Variants in NPR3 observed in about 807,000 individuals in gnomAD.
NPR3 encodes atrial natriuretic peptide receptor 3.
In NPR3, 34 loss-of-function variants were observed where a neutral mutation model predicts 54.5. The observed-to-expected ratio is 0.62, with a 90% CI of 0.47 to 0.83. NPR3 has a LOEUF of 0.83. Ranked by LOEUF, NPR3 falls within the 40% of genes least tolerant of loss-of-function variation. The pLI is 0.00. For synonymous variants in NPR3, 289 were observed against 297.1 expected (o/e 0.97, Z 0.28); for missense variants, 674 against 720.8 (o/e 0.94, Z 0.74).
At position 32,780,848 on chromosome 5, in the gene NPR3, C is replaced by T. The variant is rs773616232; in HGVS notation, c.1290+32C>T. On this transcript the variant is annotated intron_variant, in intron 5 of 7. Transcript: ENST00000265074. ...ACGTGAGACCTCTGCACCAGTTGCTCCTTCTGCTCGTGGGGACTCTGAGGA... is the reference window on the plus strand; with the variant it reads ...ACGTGAGACCTCTGCACCAGTTGCTTCTTCTGCTCGTGGGGACTCTGAGGA... 8 of 972,742 alleles carry T rather than the reference C, an allele frequency of 8.2e-6. No homozygotes were observed. In the East Asian group the frequency reaches 1.4e-4, roughly 18 times the overall value. 60.3% of individuals were successfully genotyped at this position (972,742 alleles called of 1,614,324 possible).
At chr5:32,733,199 A>G (rs1207764906) in intron 2 of NPR3, among the ~76,000 whole-genome samples, 1 of 152,074 alleles carries the variant, frequency 6.6e-6, no homozygotes, top group Non-Finnish European at 1.5e-5. Context: ...AAAAAAACAT[A>G]TTGATAGTGC....
At position 32,711,547 on chromosome 5, in the gene NPR3, A is replaced by ACATTTT. The variant is rs1738224777; in HGVS notation, c.-229_-228insATTTTC. 1.0e-6 allele frequency: 1 copy of ACATTTT among 965,666 alleles called. No homozygotes were observed. Among genetic ancestry groups the ACATTTT allele is most frequent in the South Asian group, 5.1e-5 (1 of 19,480 alleles). 59.8% of individuals were successfully genotyped at this position (965,666 alleles called of 1,614,324 possible). On this transcript the variant is annotated 5_prime_UTR_variant, in exon 1 of 8. Coordinates refer to ENST00000265074, the MANE Select transcript of NPR3 (RefSeq NM_001204375.2). ...AGACGCACAGGTTTACACCCGGTGA[A>ACATTTT]CTTTTTCTTTTTCTTTTTCTTTTTT...
intron 2 of NPR3, among the ~76,000 whole-genome samples, chr5:32,727,223 C>T (rs1322628967): frequency 2.0e-5 from 3 of 152,090 alleles, no homozygotes. Flanking sequence ...ACACCATGGG[C>T]TCAAGTGATC....
At chr5:32,769,016 C>T (rs1252453126) in intron 3 of NPR3, among the ~76,000 whole-genome samples, 1 of 152,144 alleles carries the variant, frequency 6.6e-6, no homozygotes. Flanking sequence ...TTCAGCTTAA[C>T]TTTCCTCAAG....
chr5:32,713,274 G>A lies in NPR3; in HGVS notation c.769+729G>A, dbSNP rs1484260646. On this transcript the variant is annotated intron_variant, in intron 1 of 7. Transcript: ENST00000265074. ...GGGAGTGCCTTTTGAAGAAACGAGC[G>A]CTGAACCTTCTTTCCACCTGTCCCC... 8.1e-6 allele frequency: 8 copies of A among 985,310 alleles called. No individual in the cohort carries two copies. The African/African-American group carries it at 1.2e-4, about 15-fold the overall frequency. 61.0% of individuals were successfully genotyped at this position (985,310 alleles called of 1,614,324 possible). A position where few individuals can be genotyped will look rare whatever the true frequency, so the allele number is the denominator to read the frequency against.
chr5:32,718,032 T>C (rs1431929929), intron 1 of NPR3, among the ~76,000 whole-genome samples: 2 of 152,258 alleles, frequency 1.3e-5, no homozygotes, highest in East Asian at 3.8e-4. Flanking sequence ...TTAATTTTTG[T>C]ATAAGGTGTA....
At chr5:32,706,776 A>T (rs1374321008), upstream of NPR3, among the ~76,000 whole-genome samples, 1 of 151,956 alleles carries the variant, frequency 6.6e-6, no homozygotes, top group Non-Finnish European at 1.5e-5. Context: ...TGTAAAGGGC[A>T]CTCATTTTTT....
chr5:32,772,886 G>A (rs10061944), intron 3 of NPR3, among the ~76,000 whole-genome samples: 1 of 152,058 alleles, frequency 6.6e-6, no homozygotes, highest in Non-Finnish European at 1.5e-5. Flanking sequence ...AACTGGAAAG[G>A]GGGGGCGAGG....
intron 5 of NPR3, among the ~76,000 whole-genome samples, chr5:32,782,493 G>C (rs1742389216): frequency 6.6e-6 from 1 of 152,178 alleles, no homozygotes. Context: ...TCCACGAGGG[G>C]GTAGTGACTG....
upstream of NPR3, among the ~76,000 whole-genome samples, chr5:32,708,840 T>A (rs1738067692): frequency 6.6e-6 from 1 of 152,230 alleles, no homozygotes; most frequent in Admixed American, 6.5e-5. Flanking sequence ...AAAGGTTTTT[T>A]AAAAACCCTA....
intron 2 of NPR3, among the ~76,000 whole-genome samples, chr5:32,728,863 A>G (rs1448770662): frequency 2.2e-5 from 3 of 137,122 alleles, no homozygotes; most frequent in Non-Finnish European, 4.7e-5. Flanking sequence ...ATATATATAT[A>G]TATATATATA....
rs11295246 is a variant in NPR3 at position 32,714,505 on chromosome 5, C to CTT, written c.769+1974_769+1975dup. ...TCATAGACGTTCCGAAGTCTCTTTGCTTTTTTTTTTTTTTTCCAAGTTTGC... is the reference window on the plus strand; with the variant it reads ...TCATAGACGTTCCGAAGTCTCTTTGCTTTTTTTTTTTTTTTTTCCAAGTTTGC... On this transcript the variant is annotated intron_variant, in intron 1 of 7. Transcript: ENST00000265074. 1.5e-3 allele frequency among the ~76,000 whole-genome samples: 214 copies of CTT among 140,452 alleles called. 1 individual carries two copies. The highest frequency in any genetic ancestry group is 3.2e-3 in the South Asian group (14 of 4,362). The allele number at this position is 140,452 out of a possible 152,430, so 92.1% of individuals were successfully genotyped here. A position where few individuals can be genotyped will look rare whatever the true frequency, so the allele number is the denominator to read the frequency against.
intron 1 of NPR3, chr5:32,713,425 C>T (rs888081418): frequency 2.0e-6 from 2 of 985,300 alleles, no homozygotes; most frequent in South Asian, 4.7e-5. Context: ...GCCAGTGTGG[C>T]CCATTTTACG....
At chr5:32,749,095 G>A (rs1740444830) in intron 3 of NPR3, among the ~76,000 whole-genome samples, 1 of 152,018 alleles carries the variant, frequency 6.6e-6, no homozygotes, top group African/African-American at 2.4e-5. Context: ...CTGAGTGCAT[G>A]CTTTCATCAG....
At position 32,712,363 on chromosome 5, in the gene NPR3, A is replaced by G. The variant is rs1738297976; in HGVS notation, c.587A>G (p.His196Arg). The change falls in exon 1 of 8, where the codon CAC becomes CGC. Residue 196 changes from histidine to arginine, a missense_variant. His to Arg is a conservative substitution (Grantham distance 29). Coordinates refer to ENST00000265074, the MANE Select transcript of NPR3 (RefSeq NM_001204375.2). ...ATGCTCGCCCTGTTCCGCCACCACC[A>G]CTGGAGCCGCGCTGCACTGGTCTAC... is the stretch of plus-strand genomic sequence containing the variant. ...EMMLALFRHH[H>R]WSRAALVYSD... 1 of 1,612,716 alleles carries G rather than the reference A, an allele frequency of 6.2e-7. No homozygotes were observed. Among genetic ancestry groups the G allele is most frequent in the Non-Finnish European group, 8.5e-7 (1 of 1,179,138 alleles).
At chr5:32,766,941 T>G (rs1486412142) in intron 3 of NPR3, among the ~76,000 whole-genome samples, 1 of 152,202 alleles carries the variant, frequency 6.6e-6, no homozygotes, top group Non-Finnish European at 1.5e-5. Flanking sequence ...TGAGGGACAA[T>G]TAGCTTGTTG....
At position 32,780,876 on chromosome 5, in the gene NPR3, G is replaced by A. The variant is rs549051053; in HGVS notation, c.1290+60G>A. 1.3e-5 allele frequency: 10 copies of A among 771,702 alleles called. No individual in the cohort carries two copies. The South Asian group carries it at 1.3e-4, about 10-fold the overall frequency. 47.8% of individuals were successfully genotyped at this position (771,702 alleles called of 1,614,324 possible). On this transcript the variant is annotated intron_variant, in intron 5 of 7. Transcript: ENST00000265074. ...TCTGCTCGTGGGGACTCTGAGGAAT[G>A]CATTTGTTCTGGTGGCCAAAGAGCT...
chr5:32,776,904 C>T (rs765542327), intron 4 of NPR3, among the ~76,000 whole-genome samples: 2 of 152,032 alleles, frequency 1.3e-5, no homozygotes, highest in Admixed American at 6.6e-5. Context: ...CAGGGAAGGT[C>T]TCTGAGAGTG....
At position 32,711,713 on chromosome 5, in the gene NPR3, A is replaced by G; in HGVS notation, c.-64A>G. On this transcript the variant is annotated 5_prime_UTR_variant, in exon 1 of 8. Transcript: ENST00000265074. ...GAGAGAAGAGTGGGGAGGAAAGAGG[A>G]AGGGTGGGTGGGGGGCAGAGGGCGA... 2 of 1,392,788 alleles carry G rather than the reference A, an allele frequency of 1.4e-6. No homozygotes were observed. Among genetic ancestry groups the G allele is most frequent in the South Asian group, 3.6e-5 (2 of 56,210 alleles). 86.3% of individuals were successfully genotyped at this position (1,392,788 alleles called of 1,614,324 possible).
Sources: gnomAD v4.1 joint callset for allele counts (sites outside exome capture counted in the v4.1 genomes callset) on GRCh38, gnomAD v4.1.1 for gene constraint, MANE v1.5 for transcripts, NCBI Gene and HGNC (gene_info 2026-07-23, HGNC 2026-07-21) for gene names.